Variants in ZNF160 observed in about 807,000 individuals in gnomAD.
The protein encoded by ZNF160 is zinc finger protein 160, also known as KRAB zinc finger protein KR18.
ZNF160 carries 9 observed loss-of-function variants against 13.1 expected under a neutral mutation model. That is an observed-to-expected ratio of 0.69 (90% CI 0.41 to 1.20). The LOEUF (loss-of-function observed/expected upper bound fraction) is 1.20. Among genes scored for constraint, ZNF160 ranks in the 50% most tolerant of loss-of-function variants. The probability of loss-of-function intolerance (pLI) is 0.01; values close to 1 mark genes in which losing one functional copy is unlikely to be tolerated. For synonymous variants in ZNF160, 293 were observed against 333.2 expected (o/e 0.88, Z 1.31); for missense variants, 838 against 988.0 (o/e 0.85, Z 2.04).
rs1203722494 is a variant in ZNF160 at position 53,068,829 on chromosome 19, C to A, written c.1705G>T (p.Glu569Ter). The change falls in exon 6 of 6, where the codon GAA (glutamate) becomes TAA (stop). Residue 569 changes from glutamate (E) to a stop codon, truncating the protein, a stop_gained. Coordinates refer to ENST00000683776, the MANE Select transcript of ZNF160 (RefSeq NM_001322131.2). LOFTEE classifies it low-confidence loss of function (END_TRUNC). ...HSGEKPYKCN[E>*]CGKVFAQTSQ... is the part of the protein sequence containing the mutation. ...GTTTGAGCGAAGACTTTACCACATT[C>A]ATTACACTTGTAAGGTTTCTCTCCA... is the stretch of plus-strand genomic sequence containing the variant. The A allele has an allele frequency of 6.2e-7, 1 of 1,614,124 alleles. No homozygotes were observed.
rs994926569 is a variant in ZNF160 at position 53,092,996 on chromosome 19, G to A, written c.-353-1276C>T. ...ATGATCCCAAGCAAAGAAATGATTT[G>A]ATTTTGGATCTTTTCATTAAATTGA... On this transcript the variant is annotated intron_variant, in intron 1 of 5. Transcript: ENST00000683776. Among the ~76,000 whole-genome samples the A allele has an allele frequency of 2.6e-5, 4 of 152,252 alleles. No individual in the cohort carries two copies. In the South Asian group the frequency reaches 8.3e-4, roughly 32 times the overall value.
At chr19:53,075,804 G>A in intron 3 of ZNF160, 1 of 518,988 alleles carries the variant, frequency 1.9e-6, no homozygotes, top group Non-Finnish European at 3.8e-6. Flanking sequence ...ATTTCAAGGA[G>A]GGGGTCATCA....
At position 53,069,208 on chromosome 19, in the gene ZNF160, C is replaced by T. The variant is rs1229631455; in HGVS notation, c.1326G>A (p.Arg442=). The change falls in exon 6 of 6, where the codon AGG becomes AGA. Residue 442 remains arginine, a synonymous_variant. Transcript: ENST00000683776. This position sits in a 1 kb window ranked among gnomAD's most constrained non-coding sequence, Gnocchi z 4.4. ...KVFRYNSYLG[R]HRRVHTGEKP... is the part of the protein sequence containing the mutation. ...TCTCACCAGTATGAACTCTCCGATG[C>T]CTTCCGAGGTATGAATTGTACCTAA... 1 of 1,610,756 alleles carries T rather than the reference C, an allele frequency of 6.2e-7. No homozygotes were observed. Among genetic ancestry groups the T allele is most frequent in the Non-Finnish European group, 8.5e-7 (1 of 1,177,904 alleles).
Position 53,068,644 on chromosome 19 carries a change from A to G in ZNF160, c.1890T>C (p.Phe630=), listed in dbSNP as rs1260310833. 2 of 1,612,724 alleles carry G rather than the reference A, an allele frequency of 1.2e-6. No homozygotes were observed. Among genetic ancestry groups the G allele is most frequent in the Non-Finnish European group, 1.7e-6 (2 of 1,179,632 alleles). The change falls in exon 6 of 6, where the codon TTT becomes TTC. Residue 630 remains phenylalanine, a synonymous_variant. Coordinates refer to ENST00000683776, the MANE Select transcript of ZNF160 (RefSeq NM_001322131.2). Reference sequence around the variant, plus strand: ...GAGTTGCAAGGTATGAATTGTGCCTAAAAACCTTGCCGCATTCATGACATT... The same window carrying G: ...GAGTTGCAAGGTATGAATTGTGCCTGAAAACCTTGCCGCATTCATGACATT... ...PYKCHECGKV[F]RHNSYLATHR...
chr19:53,074,393 C>T (rs888815613), intron 4 of ZNF160, 125 bp from the exon 5 acceptor site: 30 of 1,438,972 alleles, frequency 2.1e-5, no homozygotes, highest in Admixed American at 1.3e-4. Context: ...CTGGGCCAGG[C>T]GCGGTGGCTC....
intron 1 of ZNF160, among the ~76,000 whole-genome samples, chr19:53,092,003 T>C (rs2085052717): frequency 6.6e-6 from 1 of 152,208 alleles, no homozygotes; most frequent in Non-Finnish European, 1.5e-5. Flanking sequence ...CTTTATCCCA[T>C]TCCACTCTTG....
chr19:53,070,559 C>T (rs956336583), intron 5 of ZNF160, among the ~76,000 whole-genome samples: 1 of 151,920 alleles, frequency 6.6e-6, no homozygotes, highest in African/African-American at 2.4e-5. Flanking sequence ...TACAGGCGCC[C>T]GCCACCACGC....
intron 1 of ZNF160, among the ~76,000 whole-genome samples, chr19:53,093,277 TAA>T (rs1196401457): frequency 3.9e-5 from 6 of 152,094 alleles, no homozygotes; most frequent in Non-Finnish European, 5.9e-5. Flanking sequence ...TTGTCTCTAC[TAA>T]AAATACAAAA....
At chr19:53,087,425 A>G (rs1046540272) in intron 2 of ZNF160, among the ~76,000 whole-genome samples, 4 of 152,198 alleles carry the variant, frequency 2.6e-5, no homozygotes, top group East Asian at 1.9e-4. Context: ...AGTATCTTGC[A>G]TATTTTAAAC....
At chr19:53,088,278 A>G (rs1019150730) in intron 2 of ZNF160, among the ~76,000 whole-genome samples, 1 of 152,236 alleles carries the variant, frequency 6.6e-6, no homozygotes, top group African/African-American at 2.4e-5. Context: ...GAATTACGGC[A>G]TTTAGGAATT....
rs137973344 is a variant in ZNF160, at chr19:53,094,872, A to C, written c.-353-3152T>G. On this transcript the variant is annotated intron_variant, in intron 1 of 5. Coordinates refer to ENST00000683776, the MANE Select transcript of ZNF160 (RefSeq NM_001322131.2). The stretch of plus-strand genomic sequence containing the variant: ...AGAAAGGCTGACATAGCAGAAAATG[A>C]CCTGGGGCCAAGAGGAGTAGAGAGC... Among the ~76,000 whole-genome samples the C allele has an allele frequency of 1.4e-4, 21 of 152,238 alleles. No homozygotes were observed. The Middle Eastern group carries it at 0.014, about 99-fold the overall frequency.
At chr19:53,084,848 A>G (rs568280607) in intron 3 of ZNF160, 1 of 152,204 alleles carries the variant, frequency 6.6e-6, no homozygotes, top group Non-Finnish European at 1.5e-5. Context: ...GCAACACAGG[A>G]AATGTGCCAT....
Position 53,073,952 on chromosome 19 carries a change from A to AT in ZNF160, c.271+187dup, listed in dbSNP as rs1041099536. Among the ~76,000 whole-genome samples, 9 of 151,264 alleles carry AT rather than the reference A, an allele frequency of 5.9e-5. No homozygotes were observed. In the South Asian group the frequency reaches 6.3e-4, roughly 11 times the overall value. The stretch of plus-strand genomic sequence containing the variant: ...AGGCACACGCCACCATGCCCGGCTA[A>AT]TTTTTTTTTGTATTTTTAGTAGAGA... On this transcript the variant is annotated intron_variant, in intron 5 of 5. Coordinates refer to ENST00000683776, the MANE Select transcript of ZNF160 (RefSeq NM_001322131.2).
chr19:53,097,862 T>G (rs1310555616), intron 1 of ZNF160, among the ~76,000 whole-genome samples: 1 of 152,184 alleles, frequency 6.6e-6, no homozygotes, highest in Non-Finnish European at 1.5e-5. Context: ...AATCACCCCG[T>G]GGAGCGGATG....
intron 3 of ZNF160, among the ~76,000 whole-genome samples, chr19:53,082,452 C>G (rs2084669182): frequency 6.6e-6 from 1 of 152,092 alleles, no homozygotes; most frequent in African/African-American, 2.4e-5. Context: ...GAGGCCAAGG[C>G]AGGAGTACTG....
chr19:53,092,333 CAG>C (rs2085065935), intron 1 of ZNF160, among the ~76,000 whole-genome samples: 1 of 151,632 alleles, frequency 6.6e-6, no homozygotes, highest in Non-Finnish European at 1.5e-5. Flanking sequence ...TCTTTTGAGA[CAG>C]AGTCTCCCTC....
intron 3 of ZNF160, among the ~76,000 whole-genome samples, chr19:53,078,351 A>C (rs1398364520): frequency 6.6e-6 from 1 of 152,192 alleles, no homozygotes; most frequent in Non-Finnish European, 1.5e-5. Context: ...TTGAAGGTAC[A>C]GTAAGCTATG....
At chr19:53,076,406 G>A (rs533715271) in intron 3 of ZNF160, among the ~76,000 whole-genome samples, 28 of 152,060 alleles carry the variant, frequency 1.8e-4, no homozygotes, top group Admixed American at 9.2e-4. Context: ...TTGAAAGGCC[G>A]AGGCGGGTGG....
At chr19:53,082,662 C>G (rs920380742) in intron 3 of ZNF160, among the ~76,000 whole-genome samples, 3 of 152,140 alleles carry the variant, frequency 2.0e-5, no homozygotes, top group Non-Finnish European at 2.9e-5. Context: ...AGAGTAAGAG[C>G]CTCTCAAAAC....
Sources: gnomAD v4.1 joint callset for allele counts (sites outside exome capture counted in the v4.1 genomes callset) on GRCh38, gnomAD v4.1.1 for gene constraint, Gnocchi (gnomAD v3.1) non-coding constraint, MANE v1.5 for transcripts, NCBI Gene and HGNC (gene_info 2026-07-23, HGNC 2026-07-21) for gene names.